Variants in EYS observed in about 807,000 individuals in gnomAD.
EYS encodes the protein EGF-like photoreceptor maintenance factor, also known as protein eyes shut homolog.
Under a neutral mutation model 282.1 loss-of-function variants are expected in EYS, and 250 were observed. The ratio of observed to expected loss-of-function variants is 0.89; its 90% CI spans 0.80 to 0.98. The LOEUF (loss-of-function observed/expected upper bound fraction) is 0.98. Ranked by LOEUF, EYS falls within the 50% of genes least tolerant of loss-of-function variation. EYS has a pLI of 0.00. For synonymous variants in EYS, 1,355 were observed against 1,282.9 expected (o/e 1.06, Z -1.20); for missense variants, 4,016 against 3,709.0 (o/e 1.08, Z -2.15).
At chr6:64,941,243 T>C (rs1459554064) in intron 15 of EYS, among the ~76,000 whole-genome samples, 1 of 151,858 alleles carries the variant, frequency 6.6e-6, no homozygotes, top group Non-Finnish European at 1.5e-5. Context: ...TATCCAGGCA[T>C]GGTGTCAGGC....
chr6:64,422,970 CTTT>C (rs1554159345), intron 28 of EYS, among the ~76,000 whole-genome samples: 1 of 79,772 alleles, frequency 1.3e-5, no homozygotes, highest in East Asian at 6.8e-4. Flanking sequence ...AAAATACTTT[CTTT>C]TTTATTTTTT....
intron 35 of EYS, among the ~76,000 whole-genome samples, chr6:63,915,295 T>C (rs530247242): frequency 5.3e-5 from 8 of 152,282 alleles, no homozygotes; most frequent in Admixed American, 3.9e-4. Context: ...AATGGAACAA[T>C]GAAGCCTGAT....
At chr6:65,407,586 AATTAC>A (rs1766806112) in intron 5 of EYS, among the ~76,000 whole-genome samples, 3 of 152,126 alleles carry the variant, frequency 2.0e-5, no homozygotes, top group Admixed American at 1.3e-4. Context: ...CAGAAAGGCA[AATTAC>A]TTGTATATGT....
At chr6:65,519,710 T>TATATATATATA (rs547637518) in intron 2 of EYS, among the ~76,000 whole-genome samples, 4 of 28,010 alleles carry the variant, frequency 1.4e-4, no homozygotes, top group Admixed American at 5.6e-4. Flanking sequence ...ATATATATAT[T>TATATATATATA]TTTTTTTTTT....
At chr6:64,509,874 C>A (rs1287847550) in intron 26 of EYS, among the ~76,000 whole-genome samples, 1 of 152,102 alleles carries the variant, frequency 6.6e-6, no homozygotes, top group Admixed American at 6.6e-5. Flanking sequence ...AAGAACTAAG[C>A]CAATTCATGA....
intron 12 of EYS, among the ~76,000 whole-genome samples, chr6:65,185,551 A>G: frequency 6.6e-6 from 1 of 151,896 alleles, no homozygotes; most frequent in East Asian, 1.9e-4. Context: ...TGGTAGAATT[A>G]CGATCATAAA....
intron 26 of EYS, among the ~76,000 whole-genome samples, chr6:64,482,764 G>T (rs1487091729): frequency 6.6e-6 from 1 of 151,608 alleles, no homozygotes; most frequent in Admixed American, 6.6e-5. Flanking sequence ...GCATCTGGTG[G>T]GAACTAACAT....
chr6:64,007,760 G>C (rs1456435561), intron 33 of EYS, among the ~76,000 whole-genome samples: 1 of 152,082 alleles, frequency 6.6e-6, no homozygotes, highest in Non-Finnish European at 1.5e-5. Context: ...AAGTCATTCA[G>C]GATCAGGTTG....
chr6:65,580,354 C>T (rs1489248167), intron 2 of EYS, among the ~76,000 whole-genome samples: 1 of 152,006 alleles, frequency 6.6e-6, no homozygotes, highest in East Asian at 1.9e-4. Context: ...AAAAATATGG[C>T]TGTGCTTATT....
At chr6:64,471,038 A>AT in intron 26 of EYS, among the ~76,000 whole-genome samples, 1 of 152,306 alleles carries the variant, frequency 6.6e-6, no homozygotes, top group African/African-American at 2.4e-5. Flanking sequence ...CACTATTGTC[A>AT]TACTGTCAAA....
At chr6:63,869,914 C>T (rs321494) in intron 35 of EYS, among the ~76,000 whole-genome samples, 73,775 of 151,828 alleles carry the variant, frequency 0.49, 19,815 homozygotes, top group Non-Finnish European at 0.59. Flanking sequence ...ATTACCCTCC[C>T]CCCATAAAAA....
chr6:63,749,535 CTT>C (rs1212033929), intron 41 of EYS, among the ~76,000 whole-genome samples: 2 of 152,144 alleles, frequency 1.3e-5, no homozygotes, highest in Non-Finnish European at 2.9e-5. Context: ...TCCTGAATAT[CTT>C]TGTTAATTTT....
At chr6:65,597,826 C>A (rs187661592) in intron 2 of EYS, among the ~76,000 whole-genome samples, 1 of 152,036 alleles carries the variant, frequency 6.6e-6, no homozygotes, top group Non-Finnish European at 1.5e-5. Flanking sequence ...AATGGCCAAG[C>A]GCAGTGGCTC....
chr6:65,391,671 G>A (rs1229188481), intron 7 of EYS, among the ~76,000 whole-genome samples: 2 of 151,922 alleles, frequency 1.3e-5, no homozygotes, highest in Non-Finnish European at 2.9e-5. Flanking sequence ...AAATAAAAGA[G>A]GATACAAACA....
At chr6:64,747,108 A>G (rs2132277) in intron 22 of EYS, among the ~76,000 whole-genome samples, 132,071 of 152,206 alleles carry the variant, frequency 0.87, 57,354 homozygotes, top group African/African-American at 0.89. Flanking sequence ...CATACTTTTA[A>G]GTTAGTTTTT....
At chr6:65,651,709 A>G (rs1365021306) in intron 1 of EYS, among the ~76,000 whole-genome samples, 1 of 151,934 alleles carries the variant, frequency 6.6e-6, no homozygotes, top group African/African-American at 2.4e-5. Flanking sequence ...CCTTACTTTC[A>G]TGTTTACTTT....
intron 5 of EYS, among the ~76,000 whole-genome samples, chr6:65,452,330 T>A (rs927445822): frequency 1.2e-4 from 12 of 99,528 alleles, no homozygotes; most frequent in Non-Finnish European, 2.6e-4. Context: ...ATGGAAAGAT[T>A]TTTTTTTTTA....
intron 5 of EYS, among the ~76,000 whole-genome samples, chr6:65,435,893 A>T (rs1768057997): frequency 6.6e-6 from 1 of 152,170 alleles, no homozygotes; most frequent in Admixed American, 6.5e-5. Context: ...TGAGGACACA[A>T]GATGGCCATT....
chr6:65,524,577 A>G lies in EYS; in HGVS notation c.-332-28584T>C, dbSNP rs1280540038. Among the ~76,000 whole-genome samples, 10 of 152,270 alleles carry G rather than the reference A, an allele frequency of 6.6e-5. No homozygotes were observed. In the East Asian group the frequency reaches 1.9e-3, roughly 29 times the overall value. ...ACTGTAACCAGCTCTTCAAAACACA[A>G]TTTCACTGTTTTATCAAACCACTTA... On this transcript the variant is annotated intron_variant, in intron 2 of 42. Transcript: ENST00000503581.
Sources: gnomAD v4.1 joint callset for allele counts (sites outside exome capture counted in the v4.1 genomes callset) on GRCh38, gnomAD v4.1.1 for gene constraint, MANE v1.5 for transcripts, NCBI Gene and HGNC (gene_info 2026-07-23, HGNC 2026-07-21) for gene names.